The following SVEP1 variants were observed in gnomAD, a reference collection of about 807,000 sequenced individuals.
The protein encoded by SVEP1 is sushi, von Willebrand factor type A, EGF and pentraxin domain containing 1.
In SVEP1, 164 loss-of-function variants were observed where a neutral mutation model predicts 367.3. The observed-to-expected ratio is 0.45, with a 90% CI of 0.39 to 0.51. The LOEUF (loss-of-function observed/expected upper bound fraction) is 0.51. Ranked by LOEUF, SVEP1 falls within the 20% of genes least tolerant of loss-of-function variation. SVEP1 has a pLI of 0.00. For missense variants in SVEP1, 4,117 were observed against 4,425.3 expected (o/e 0.93, Z 1.98); for synonymous variants, 1,666 against 1,611.6 (o/e 1.03, Z -0.81).
chr9:110,383,244 T>TA (rs780088642), intron 43 of SVEP1, among the ~76,000 whole-genome samples: 1 of 148,440 alleles, frequency 6.7e-6, no homozygotes, highest in Non-Finnish European at 1.5e-5. Context: ...ATGAGGCTTT[T>TA]GTGAGGGCTT....
chr9:110,427,134 C>A (rs751464727), intron 36 of SVEP1, among the ~76,000 whole-genome samples: 1 of 151,698 alleles, frequency 6.6e-6, no homozygotes, highest in African/African-American at 2.4e-5. Flanking sequence ...CCTGTCTCTA[C>A]TAAAAATACA....
At chr9:110,445,790 T>G in intron 26 of SVEP1, 47 bp downstream of exon 26, 1 of 1,603,674 alleles carries the variant, frequency 6.2e-7, no homozygotes, top group Non-Finnish European at 8.5e-7. Flanking sequence ...TCTAATTCGG[T>G]TCCAAGATAA....
At chr9:110,567,849 A>G (rs1185829101) in intron 1 of SVEP1, among the ~76,000 whole-genome samples, 1 of 152,100 alleles carries the variant, frequency 6.6e-6, no homozygotes, top group Non-Finnish European at 1.5e-5. Flanking sequence ...TCTCCGCCTG[A>G]GGGCTTTCTT....
chr9:110,539,516 A>G (rs923194118), intron 3 of SVEP1, among the ~76,000 whole-genome samples: 8 of 152,036 alleles, frequency 5.3e-5, no homozygotes, highest in Admixed American at 3.3e-4. Context: ...AGGTTGAACA[A>G]TATGAAGATG....
intron 3 of SVEP1, among the ~76,000 whole-genome samples, chr9:110,521,440 G>T (rs1402571772): frequency 6.6e-6 from 1 of 152,152 alleles, no homozygotes; most frequent in South Asian, 2.1e-4. Flanking sequence ...GTAAGCACAC[G>T]CTCAGACTTG....
chr9:110,381,703 A>G (rs774556975), intron 43 of SVEP1, among the ~76,000 whole-genome samples: 1 of 152,218 alleles, frequency 6.6e-6, no homozygotes. Flanking sequence ...GATGTCTATC[A>G]AGACCACTTG....
chr9:110,528,628 T>C (rs2118811063), intron 3 of SVEP1, among the ~76,000 whole-genome samples: 1 of 152,006 alleles, frequency 6.6e-6, no homozygotes, highest in Admixed American at 6.6e-5. Context: ...CTAAGTTGAT[T>C]GTCTACTTTT....
chr9:110,440,346 G>A (rs893316976), intron 27 of SVEP1, among the ~76,000 whole-genome samples: 8 of 152,098 alleles, frequency 5.3e-5, no homozygotes, highest in African/African-American at 1.9e-4. Flanking sequence ...GCCTCTGCAC[G>A]CAGAGCTCCT....
chr9:110,403,321 T>TTTTTTTTTTC (rs1827897319), intron 39 of SVEP1, among the ~76,000 whole-genome samples: 1 of 144,578 alleles, frequency 6.9e-6, no homozygotes, highest in African/African-American at 2.6e-5. Flanking sequence ...TTTTTTTTTT[T>TTTTTTTTTTC]TTGACACGGA....
intron 40 of SVEP1, among the ~76,000 whole-genome samples, chr9:110,394,022 C>A (rs1827714218): frequency 6.6e-6 from 1 of 152,200 alleles, no homozygotes. Context: ...GTTCTCCCAG[C>A]ACGCAGCTTG....
intron 8 of SVEP1, among the ~76,000 whole-genome samples, chr9:110,493,618 G>A (rs937655109): frequency 6.6e-6 from 1 of 152,110 alleles, no homozygotes; most frequent in African/African-American, 2.4e-5. Context: ...TGTAATCCCA[G>A]CTACTTGGGA....
At chr9:110,414,308 G>C (rs902062662) in intron 36 of SVEP1, among the ~76,000 whole-genome samples, 2 of 151,952 alleles carry the variant, frequency 1.3e-5, no homozygotes, top group Admixed American at 1.3e-4. Context: ...ATAAGAGACA[G>C]AGAAATCAGG....
intron 43 of SVEP1, among the ~76,000 whole-genome samples, chr9:110,381,566 T>C (rs1392967407): frequency 1.3e-5 from 2 of 152,232 alleles, no homozygotes; most frequent in African/African-American, 2.4e-5. Context: ...ATGTTTGTTA[T>C]GATTTCAGTT....
In SVEP1 at chr9:110,387,404, T is replaced by TTTTCAATG. The variant is rs781522248; in HGVS notation, c.9933_9940dup (p.Asn3314ThrfsTer52). ...TACCACGTTGGGTCCAGTCGTCCTGTTTTCAATGTCAGCTTTCCCATTGAG... is the reference window on the plus strand; with the variant it reads ...TACCACGTTGGGTCCAGTCGTCCTGTTTTCAATGTTTCAATGTCAGCTTTCCCATTGAG... On this transcript the variant is annotated frameshift_variant, in exon 42 of 48. Transcript: ENST00000374469. LOFTEE classifies it high-confidence loss of function. 6.2e-7 allele frequency: 1 copy of TTTTCAATG among 1,613,114 alleles called. No individual in the cohort carries two copies. The highest frequency in any genetic ancestry group is 1.1e-5 in the South Asian group (1 of 90,946).
intron 6 of SVEP1, among the ~76,000 whole-genome samples, chr9:110,499,666 G>A (rs1019584332): frequency 6.6e-6 from 1 of 152,172 alleles, no homozygotes; most frequent in Non-Finnish European, 1.5e-5. Context: ...AGCATATAAT[G>A]AGAAAAGTTT....
At chr9:110,429,114 A>C in intron 35 of SVEP1, 29 bp downstream of exon 35, 1 of 1,503,182 alleles carries the variant, frequency 6.7e-7, no homozygotes, top group Non-Finnish European at 8.9e-7. Flanking sequence ...AGTATTGTAG[A>C]AAGCTTGGTT....
intron 5 of SVEP1, among the ~76,000 whole-genome samples, chr9:110,505,640 G>A (rs1046905399): frequency 7.2e-5 from 11 of 151,990 alleles, no homozygotes; most frequent in Non-Finnish European, 1.6e-4. Flanking sequence ...CTCCTTTGAA[G>A]TATCATATTA....
chr9:110,436,803 GCTTA>G (rs1046874942), intron 27 of SVEP1, among the ~76,000 whole-genome samples: 1 of 151,984 alleles, frequency 6.6e-6, no homozygotes, highest in African/African-American at 2.4e-5. Context: ...GTGTTATTTT[GCTTA>G]CTTTCTTGTA....
At chr9:110,443,430 T>C in intron 27 of SVEP1, 115 bp downstream of exon 27, 1 of 950,010 alleles carries the variant, frequency 1.1e-6, no homozygotes, top group Non-Finnish European at 1.4e-6. Context: ...ATAAGAGAGA[T>C]AGCTGTTAAT....
Sources: gnomAD v4.1 joint callset for allele counts (sites outside exome capture counted in the v4.1 genomes callset) on GRCh38, gnomAD v4.1.1 for gene constraint, MANE v1.5 for transcripts, NCBI Gene and HGNC (gene_info 2026-07-23, HGNC 2026-07-21) for gene names.